Variants in DSCAM observed in about 807,000 individuals in gnomAD.
DSCAM encodes cell adhesion molecule DSCAM.
In DSCAM, 47 loss-of-function variants were observed where a neutral mutation model predicts 217.7. The ratio of observed to expected loss-of-function variants is 0.22; its 90% CI spans 0.17 to 0.28. DSCAM has a LOEUF of 0.28. Ranked by LOEUF, DSCAM falls within the 10% of genes least tolerant of loss-of-function variation. The pLI is 1.00. For synonymous variants in DSCAM, 1,056 were observed against 1,015.3 expected (o/e 1.04, Z -0.76); for missense variants, 2,080 against 2,618.3 (o/e 0.79, Z 4.49).
rs56379350 is a variant in DSCAM, at chr21:40,467,930, C to CAAA, written c.509-98688_509-98686dup. 2.1e-3 allele frequency among the ~76,000 whole-genome samples: 180 copies of CAAA among 84,342 alleles called. 3 individuals are homozygous for CAAA. Among genetic ancestry groups the CAAA allele is most frequent in the Admixed American group, 3.4e-3 (26 of 7,538 alleles). 55.3% of individuals were successfully genotyped at this position (84,342 alleles called of 152,430 possible). A position where few individuals can be genotyped will look rare whatever the true frequency, so the allele number is the denominator to read the frequency against. On this transcript the variant is annotated intron_variant, in intron 3 of 32. Coordinates refer to ENST00000400454, the MANE Select transcript of DSCAM (RefSeq NM_001389.5). The stretch of plus-strand genomic sequence containing the variant: ...AAATAAGATAGCTACAAAGATTAAC[C>CAAA]AAAAAAAAAAAAAAAAAAAAACTAC...
chr21:40,514,345 T>C (rs1467061764), intron 3 of DSCAM, among the ~76,000 whole-genome samples: 1 of 152,192 alleles, frequency 6.6e-6, no homozygotes, highest in Non-Finnish European at 1.5e-5. Flanking sequence ...AACAAGGCCA[T>C]CTTATTAATT....
At chr21:40,028,508 G>C (rs1487625513) in intron 32 of DSCAM, among the ~76,000 whole-genome samples, 5 of 152,010 alleles carry the variant, frequency 3.3e-5, no homozygotes, top group African/African-American at 1.2e-4. Context: ...GAGACTCCAT[G>C]GGCGTAGGAC....
At chr21:40,181,867 T>C (rs1446494659) in intron 14 of DSCAM, among the ~76,000 whole-genome samples, 1 of 152,044 alleles carries the variant, frequency 6.6e-6, no homozygotes, top group Non-Finnish European at 1.5e-5. Flanking sequence ...TTTAGGAAGA[T>C]GTCAGAAGCA....
chr21:40,228,888 G>C (rs2091356934), intron 11 of DSCAM, among the ~76,000 whole-genome samples: 1 of 152,078 alleles, frequency 6.6e-6, no homozygotes, highest in Non-Finnish European at 1.5e-5. Context: ...AAAAATGTGT[G>C]TATACTAACA....
intron 3 of DSCAM, among the ~76,000 whole-genome samples, chr21:40,482,792 A>C (rs963980017): frequency 2.6e-5 from 4 of 152,190 alleles, no homozygotes; most frequent in African/African-American, 9.6e-5. Context: ...TATAACTCTT[A>C]GCACACTACC....
At chr21:40,489,176 G>A (rs1379472198) in intron 3 of DSCAM, among the ~76,000 whole-genome samples, 1 of 152,210 alleles carries the variant, frequency 6.6e-6, no homozygotes, top group East Asian at 1.9e-4. Context: ...GTTTGGATGA[G>A]ATTGATATTT....
intron 8 of DSCAM, among the ~76,000 whole-genome samples, chr21:40,332,637 T>C (rs565672544): frequency 7.6e-4 from 116 of 152,276 alleles, no homozygotes; most frequent in African/African-American, 2.6e-3. Context: ...GTGTTAAATA[T>C]AAAACTGCTT....
chr21:40,474,954 G>A (rs2075921365), intron 3 of DSCAM, among the ~76,000 whole-genome samples: 1 of 151,988 alleles, frequency 6.6e-6, no homozygotes, highest in Non-Finnish European at 1.5e-5. Context: ...GAGCTCTGCA[G>A]GCTCTCAGGG....
At chr21:40,353,868 G>T in intron 4 of DSCAM, 125 bp from the exon 5 acceptor site, 2 of 870,618 alleles carry the variant, frequency 2.3e-6, no homozygotes, top group Non-Finnish European at 3.2e-6. Context: ...AGATCTTTAA[G>T]ATTTTATAAG....
At chr21:40,258,590 A>G (rs2073405854) in intron 11 of DSCAM, among the ~76,000 whole-genome samples, 1 of 152,250 alleles carries the variant, frequency 6.6e-6, no homozygotes, top group East Asian at 1.9e-4. Context: ...TAACATTCTT[A>G]AATGTCTGCT....
chr21:40,682,691 AGCGGAGGGG>A (rs1568981736), intron 3 of DSCAM, among the ~76,000 whole-genome samples: 48 of 3,390 alleles, frequency 0.014, 12 homozygotes, highest in East Asian at 0.13. Context: ...AGGGGAAGGG[AGCGGAGGGG>A]AAGGGAGCGG....
intron 11 of DSCAM, among the ~76,000 whole-genome samples, chr21:40,250,314 T>A (rs2073285028): frequency 6.6e-6 from 1 of 152,168 alleles, no homozygotes; most frequent in Admixed American, 6.5e-5. Context: ...GTCAAGGGCC[T>A]CAATTAGAAA....
intron 3 of DSCAM, among the ~76,000 whole-genome samples, chr21:40,489,593 T>C (rs2146007488): frequency 6.6e-6 from 1 of 151,152 alleles, no homozygotes; most frequent in Admixed American, 6.6e-5. Context: ...GCTAAAACGG[T>C]GAAACCCCGT....
intron 3 of DSCAM, among the ~76,000 whole-genome samples, chr21:40,595,946 T>C (rs2077018403): frequency 6.6e-6 from 1 of 152,212 alleles, no homozygotes; most frequent in Non-Finnish European, 1.5e-5. Context: ...CGGCAAACTG[T>C]GGCCTCTGTG....
intron 3 of DSCAM, among the ~76,000 whole-genome samples, chr21:40,398,799 TA>T: frequency 6.6e-6 from 1 of 152,072 alleles, no homozygotes; most frequent in Non-Finnish European, 1.5e-5. Context: ...CACACCCAGC[TA>T]ATTTTTGTAT....
chr21:40,097,954 A>AAAAAAAAAGAAAGAAAG (rs1555877400), intron 20 of DSCAM, among the ~76,000 whole-genome samples: 1 of 51,516 alleles, frequency 1.9e-5, no homozygotes, highest in African/African-American at 8.2e-5. Context: ...AAAAAAAAAA[A>AAAAAAAAAGAAAGAAAG]AAAGAAAGAA....
At chr21:40,032,385 G>A (rs141450537) in intron 32 of DSCAM, among the ~76,000 whole-genome samples, 3 of 152,112 alleles carry the variant, frequency 2.0e-5, no homozygotes, top group African/African-American at 4.8e-5. Context: ...TTTATACCTC[G>A]GTGTAGTTTT....
At chr21:40,309,679 A>G (rs530043366) in intron 9 of DSCAM, among the ~76,000 whole-genome samples, 1 of 152,210 alleles carries the variant, frequency 6.6e-6, no homozygotes, top group African/African-American at 2.4e-5. Flanking sequence ...GATTCCACTA[A>G]AGGTTCTTCT....
chr21:40,412,430 T>C (rs1286455163), intron 3 of DSCAM, among the ~76,000 whole-genome samples: 1 of 152,138 alleles, frequency 6.6e-6, no homozygotes. Flanking sequence ...ATATGGACAA[T>C]GAAACCCAGG....
Sources: allele counts gnomAD v4.1 joint callset (sites outside exome capture counted in the v4.1 genomes callset), GRCh38; gene constraint gnomAD v4.1.1; transcripts MANE v1.5; gene names NCBI Gene and HGNC (gene_info 2026-07-23, HGNC 2026-07-21).